RSU1: variants seen among roughly 807,000 people sequenced by gnomAD.
RSU1 encodes rsu-1.
RSU1 carries 26 observed loss-of-function variants against 31.1 expected under a neutral mutation model. The observed-to-expected ratio is 0.84, with a 90% CI of 0.61 to 1.16. RSU1 has a LOEUF of 1.16. RSU1 is among the 50% of genes most tolerant of loss of function. RSU1 has a pLI of 0.00. For synonymous variants in RSU1, 164 were observed against 136.3 expected (o/e 1.20, Z -1.41); for missense variants, 320 against 339.1 (o/e 0.94, Z 0.44).
chr10:16,808,440 G>A (rs867674457), intron 2 of RSU1, among the ~76,000 whole-genome samples: 34 of 144,830 alleles, frequency 2.3e-4, no homozygotes, highest in African/African-American at 8.6e-4. Flanking sequence ...CCGTGATCAT[G>A]CCACTGCACT....
intron 8 of RSU1, among the ~76,000 whole-genome samples, chr10:16,642,472 C>T (rs1364941447): frequency 1.3e-5 from 2 of 152,116 alleles, no homozygotes; most frequent in Non-Finnish European, 2.9e-5. Context: ...AGTGATTTTT[C>T]ATAGACTGTC....
chr10:16,788,554 A>C (rs1588536418), intron 2 of RSU1, among the ~76,000 whole-genome samples: 1 of 152,220 alleles, frequency 6.6e-6, no homozygotes, highest in Non-Finnish European at 1.5e-5. Flanking sequence ...ATCCGTCAGT[A>C]CCTTGATCTT....
chr10:16,680,232 T>C (rs1324828382), intron 8 of RSU1, among the ~76,000 whole-genome samples: 1 of 151,518 alleles, frequency 6.6e-6, no homozygotes, highest in Non-Finnish European at 1.5e-5. Flanking sequence ...TTTAACGGGG[T>C]ATCAAAAACA....
chr10:16,808,027 A>C (rs1402881683), intron 2 of RSU1, among the ~76,000 whole-genome samples: 1 of 151,422 alleles, frequency 6.6e-6, no homozygotes, highest in Non-Finnish European at 1.5e-5. Flanking sequence ...TGTCTCAAAA[A>C]AAAAAAAAAA....
intron 8 of RSU1, among the ~76,000 whole-genome samples, chr10:16,633,878 G>A (rs1413217578): frequency 6.6e-6 from 1 of 152,144 alleles, no homozygotes; most frequent in Admixed American, 6.5e-5. Context: ...GGGTGACCGA[G>A]ACCGATTGGA....
intron 8 of RSU1, among the ~76,000 whole-genome samples, chr10:16,681,215 A>C (rs541193007): frequency 6.6e-6 from 1 of 152,356 alleles, no homozygotes; most frequent in East Asian, 1.9e-4. Context: ...GATCCTTTAC[A>C]TGCCACTTTC....
chr10:16,654,186 A>T (rs1476457732), intron 8 of RSU1, among the ~76,000 whole-genome samples: 1 of 151,398 alleles, frequency 6.6e-6, no homozygotes, highest in East Asian at 2.0e-4. Flanking sequence ...TATTTTTTGT[A>T]GAAATGGGGT....
At chr10:16,803,898 A>T (rs1229952218) in intron 2 of RSU1, among the ~76,000 whole-genome samples, 1 of 152,206 alleles carries the variant, frequency 6.6e-6, no homozygotes, top group African/African-American at 2.4e-5. Context: ...CAAAGGAGAA[A>T]AATCTAGTTG....
Position 16,645,978 on chromosome 10 carries a change from G to A in RSU1, c.731+49045C>T, listed in dbSNP as rs368148899. ...TATACATATATGTGTATATATATGTGTATATACATATATGTGTATATATAT... is the reference window on the plus strand; with the variant it reads ...TATACATATATGTGTATATATATGTATATATACATATATGTGTATATATAT... On this transcript the variant is annotated intron_variant, in intron 8 of 8. Transcript: ENST00000345264. Among the ~76,000 whole-genome samples, 55 of 44,378 alleles carry A rather than the reference G, an allele frequency of 1.2e-3. 6 individuals carry two copies. Among genetic ancestry groups the A allele is most frequent in the South Asian group, 3.4e-3 (4 of 1,164 alleles). 29.1% of individuals were successfully genotyped at this position (44,378 alleles called of 152,430 possible).
intron 8 of RSU1, among the ~76,000 whole-genome samples, chr10:16,599,485 G>C (rs562193401): frequency 6.6e-6 from 1 of 152,270 alleles, no homozygotes; most frequent in African/African-American, 2.4e-5. Context: ...GATTCCTGGA[G>C]AACAGTCTCT....
chr10:16,652,280 T>C (rs990455233), intron 8 of RSU1, among the ~76,000 whole-genome samples: 2 of 151,752 alleles, frequency 1.3e-5, no homozygotes, highest in Non-Finnish European at 2.9e-5. Context: ...AAGCAAACTT[T>C]TTCCTCTTCA....
chr10:16,726,656 T>C (rs1043623481), intron 7 of RSU1, among the ~76,000 whole-genome samples: 6 of 152,226 alleles, frequency 3.9e-5, no homozygotes, highest in African/African-American at 1.4e-4. Flanking sequence ...GCTTTCTGAA[T>C]GTTTCAGTTG....
At chr10:16,653,950 C>T (rs1478680566) in intron 8 of RSU1, among the ~76,000 whole-genome samples, 1 of 152,054 alleles carries the variant, frequency 6.6e-6, no homozygotes, top group African/African-American at 2.4e-5. Flanking sequence ...CCTGTTTCTC[C>T]ATACACCCCC....
intron 8 of RSU1, among the ~76,000 whole-genome samples, chr10:16,679,475 A>T (rs1175448595): frequency 1.3e-5 from 2 of 152,178 alleles, no homozygotes; most frequent in Non-Finnish European, 2.9e-5. Flanking sequence ...TAGAGGCCCT[A>T]AAGAAAGATG....
At chr10:16,601,375 CTAAG>C (rs1490675766) in intron 8 of RSU1, among the ~76,000 whole-genome samples, 7 of 152,190 alleles carry the variant, frequency 4.6e-5, no homozygotes, top group Admixed American at 3.9e-4. Context: ...GTCTGAAACT[CTAAG>C]TAAAGTTGTA....
At chr10:16,801,207 G>A (rs545546091) in intron 2 of RSU1, among the ~76,000 whole-genome samples, 3 of 151,712 alleles carry the variant, frequency 2.0e-5, no homozygotes, top group East Asian at 1.9e-4. Context: ...GAGATATGAC[G>A]CTAAACGCTA....
At chr10:16,621,656 G>A (rs1834073021) in intron 8 of RSU1, among the ~76,000 whole-genome samples, 1 of 152,132 alleles carries the variant, frequency 6.6e-6, no homozygotes, top group Non-Finnish European at 1.5e-5. Context: ...CATCTTACAT[G>A]GCGGCAGGCA....
At chr10:16,793,114 A>C (rs1435332597) in intron 2 of RSU1, among the ~76,000 whole-genome samples, 1 of 152,228 alleles carries the variant, frequency 6.6e-6, no homozygotes, top group Non-Finnish European at 1.5e-5. Context: ...CACCAGAATC[A>C]TAAAAAGCTT....
At chr10:16,704,978 T>C (rs1835865540) in intron 7 of RSU1, among the ~76,000 whole-genome samples, 1 of 152,162 alleles carries the variant, frequency 6.6e-6, no homozygotes, top group Non-Finnish European at 1.5e-5. Context: ...CCATGACTTT[T>C]TTTCATCTTG....
Sources: allele counts gnomAD v4.1 joint callset (sites outside exome capture counted in the v4.1 genomes callset), GRCh38; gene constraint gnomAD v4.1.1; transcripts MANE v1.5; gene names NCBI Gene and HGNC (gene_info 2026-07-23, HGNC 2026-07-21).